CFAP221: variants seen among roughly 807,000 people sequenced by gnomAD.
The protein encoded by CFAP221 is cilia and flagella associated protein 221.
CFAP221 carries 97 observed loss-of-function variants against 113.1 expected under a neutral mutation model. The ratio of observed to expected loss-of-function variants is 0.86; its 90% confidence interval spans 0.73 to 1.02. The LOEUF is 1.02. CFAP221 is among the 50% of genes least tolerant of loss of function. The pLI is 0.00. For synonymous variants in CFAP221, 331 were observed against 354.4 expected (o/e 0.93, Z 0.74); for missense variants, 1,025 against 1,013.4 (o/e 1.01, Z -0.16).
At position 119,647,056 on chromosome 2, in the gene CFAP221, T is replaced by A; in HGVS notation, c.2318+6T>A. Reference sequence around the variant, plus strand: ...AGACTAGAAACAGTAGAACGGTATTTTTTTTTTTTTTAATCTTTGGCCTCT... The same window carrying A: ...AGACTAGAAACAGTAGAACGGTATTATTTTTTTTTTTAATCTTTGGCCTCT... On this transcript the variant is annotated splice_donor_region_variant and intron_variant, in intron 22 of 23. Coordinates refer to ENST00000413369, the MANE Select transcript of CFAP221 (RefSeq NM_001271049.2). 1 of 1,346,938 alleles carries A rather than the reference T, an allele frequency of 7.4e-7. No homozygotes were observed. The highest frequency in any genetic ancestry group is 2.7e-5 in the East Asian group (1 of 37,412). The allele number at this position is 1,346,938 out of a possible 1,614,324, so 83.4% of individuals were successfully genotyped here. A position where few individuals can be genotyped will look rare whatever the true frequency, so the allele number is the denominator to read the frequency against.
At chr2:119,549,920 C>G (rs1264273173) in intron 3 of CFAP221, among the ~76,000 whole-genome samples, 2 of 152,236 alleles carry the variant, frequency 1.3e-5, no homozygotes, top group Non-Finnish European at 2.9e-5. Flanking sequence ...CTTCATTGAC[C>G]TGGATGTTGA....
intron 2 of CFAP221, among the ~76,000 whole-genome samples, chr2:119,548,614 C>G (rs1680208834): frequency 1.3e-5 from 2 of 152,174 alleles, no homozygotes; most frequent in African/African-American, 4.8e-5. Context: ...TACTCTACAT[C>G]ACATTGTAAT....
chr2:119,633,220 A>G (rs1378577590), intron 19 of CFAP221, among the ~76,000 whole-genome samples: 1 of 152,064 alleles, frequency 6.6e-6, no homozygotes, highest in Non-Finnish European at 1.5e-5. Flanking sequence ...TTAATACAAC[A>G]TGGATCATAG....
intron 22 of CFAP221, among the ~76,000 whole-genome samples, 170 bp downstream of exon 22, chr2:119,647,220 G>A (rs754919340): frequency 1.2e-3 from 182 of 152,212 alleles, no homozygotes; most frequent in Non-Finnish European, 2.4e-3. Flanking sequence ...TGTTAAATTC[G>A]TGGTGGAGAA....
At position 119,625,686 on chromosome 2, in the gene CFAP221, A is replaced by G. The variant is rs1010779182; in HGVS notation, c.1514A>G (p.Gln505Arg). 6.2e-7 allele frequency: 1 copy of G among 1,600,780 alleles called. No homozygotes were observed. The highest frequency in any genetic ancestry group is 1.3e-5 in the African/African-American group (1 of 74,628). The change falls in exon 15 of 24, where the codon CAA (glutamine) becomes CGA (arginine). Residue 505 changes from glutamine to arginine, a missense_variant and splice_region_variant. Physicochemically the swap from Gln to Arg is conservative, Grantham distance 43 (BLOSUM62 1). Coordinates refer to ENST00000413369, the MANE Select transcript of CFAP221 (RefSeq NM_001271049.2). ...GGCCAAGCAAAACAATCGATAGCAC[A>G]AGGTGAAGTATGGCTGCAAAGCACA... is the stretch of plus-strand genomic sequence containing the variant. ...KIGQAKQSIA[Q>R]EANFFKFFLR...
At chr2:119,632,230 C>G (rs1361224215) in intron 19 of CFAP221, among the ~76,000 whole-genome samples, 1 of 152,076 alleles carries the variant, frequency 6.6e-6, no homozygotes, top group Non-Finnish European at 1.5e-5. Flanking sequence ...AGATCAATAT[C>G]CTTGATGAAC....
At chr2:119,617,623 G>T (rs191041473) in intron 14 of CFAP221, among the ~76,000 whole-genome samples, 100 of 152,294 alleles carry the variant, frequency 6.6e-4, no homozygotes, top group Admixed American at 2.7e-3. Context: ...GTGCCAATGT[G>T]TCGCCAGCCA....
At chr2:119,653,209 C>T (rs535304923) in intron 23 of CFAP221, among the ~76,000 whole-genome samples, 1 of 151,804 alleles carries the variant, frequency 6.6e-6, no homozygotes, top group African/African-American at 2.4e-5. Context: ...GGTGAAACCC[C>T]ATCTCTACTA....
At position 119,572,496 on chromosome 2, in the gene CFAP221, C is replaced by T. The variant is rs1031081616; in HGVS notation, c.527+10382C>T. The T allele has an allele frequency of 4.3e-5, 29 of 669,976 alleles. No individual in the cohort carries two copies. The Admixed American group carries it at 6.0e-4, about 14-fold the overall frequency. 41.5% of individuals were successfully genotyped at this position (669,976 alleles called of 1,614,324 possible). A position where few individuals can be genotyped will look rare whatever the true frequency, so the allele number is the denominator to read the frequency against. ...CAGAAATTTTATATTTTTCCATTCCCATGGTTCTAAAAAGATTCATGTTAA... is the reference window on the plus strand; with the variant it reads ...CAGAAATTTTATATTTTTCCATTCCTATGGTTCTAAAAAGATTCATGTTAA... On this transcript the variant is annotated intron_variant, in intron 6 of 23. Transcript: ENST00000413369.
chr2:119,630,961 A>G (rs769643461), intron 19 of CFAP221, 60 bp downstream of exon 19: 91 of 1,581,400 alleles, frequency 5.8e-5, no homozygotes, highest in Admixed American at 3.5e-4. Context: ...CAATTACTCT[A>G]TAGGAAACAG....
chr2:119,545,954 C>T (rs921618115), intron 1 of CFAP221, 131 bp from the exon 2 acceptor site: 5 of 616,564 alleles, frequency 8.1e-6, no homozygotes, highest in South Asian at 4.6e-5. Context: ...TGGAGTGGCC[C>T]GCAGAGAGGA....
chr2:119,614,349 C>A (rs1558963736), intron 13 of CFAP221, among the ~76,000 whole-genome samples: 1 of 152,188 alleles, frequency 6.6e-6, no homozygotes, highest in Non-Finnish European at 1.5e-5. Context: ...TAGCACCCCA[C>A]TCCTGGTACC....
At chr2:119,623,370 CACAA>C in intron 14 of CFAP221, among the ~76,000 whole-genome samples, 1 of 152,154 alleles carries the variant, frequency 6.6e-6, no homozygotes, top group East Asian at 1.9e-4. Context: ...TAAGAGAGGA[CACAA>C]ACAAATGGAA....
chr2:119,629,853 T>G lies in CFAP221; in HGVS notation c.1651-22T>G, dbSNP rs374655311. On this transcript the variant is annotated intron_variant, in intron 16 of 23. Transcript: ENST00000413369. ...CTTGCTCAGTGGTGATTGTTCTCTTTTTTTCTCCTTTCACATTTTAGGCTC... is the reference window on the plus strand; with the variant it reads ...CTTGCTCAGTGGTGATTGTTCTCTTGTTTTCTCCTTTCACATTTTAGGCTC... 1.6e-5 allele frequency: 26 copies of G among 1,582,176 alleles called. No homozygotes were observed. In the African/African-American group the frequency reaches 3.4e-4, roughly 21 times the overall value.
downstream of CFAP221, among the ~76,000 whole-genome samples, chr2:119,658,619 G>A (rs902551554): frequency 2.0e-5 from 3 of 147,658 alleles, no homozygotes; most frequent in East Asian, 2.0e-4. Flanking sequence ...CCCTCAACAC[G>A]CACACACACA....
At chr2:119,590,159 C>T (rs541837359) in intron 7 of CFAP221, 1 of 152,140 alleles carries the variant, frequency 6.6e-6, no homozygotes, top group South Asian at 2.1e-4. Flanking sequence ...AGCAAGAGTT[C>T]CTTGGGGGCT....
intron 7 of CFAP221, among the ~76,000 whole-genome samples, chr2:119,588,515 A>C (rs746882355): frequency 6.6e-6 from 1 of 152,206 alleles, no homozygotes; most frequent in Admixed American, 6.5e-5. Context: ...CCTATTCAAA[A>C]TCAGGGTACT....
intron 15 of CFAP221, among the ~76,000 whole-genome samples, chr2:119,626,552 A>T (rs1686319804): frequency 1.3e-5 from 2 of 152,018 alleles, no homozygotes; most frequent in Non-Finnish European, 2.9e-5. Flanking sequence ...TTGCTGATTG[A>T]CTGGCTGAAT....
intron 11 of CFAP221, among the ~76,000 whole-genome samples, chr2:119,606,762 C>T (rs1684797840): frequency 6.6e-6 from 1 of 152,116 alleles, no homozygotes; most frequent in Admixed American, 6.5e-5. Context: ...CATCCCAAAT[C>T]CCATTCTGAA....
Sources: gnomAD v4.1 joint callset for allele counts (sites outside exome capture counted in the v4.1 genomes callset) on GRCh38, gnomAD v4.1.1 for gene constraint, MANE v1.5 for transcripts, NCBI Gene and HGNC (gene_info 2026-07-23, HGNC 2026-07-21) for gene names.